The following ELAC2 variants were observed in gnomAD, a reference collection of about 807,000 sequenced individuals.
ELAC2 encodes the protein zinc phosphodiesterase ELAC protein 2.
In ELAC2, 92 loss-of-function variants were observed where a neutral mutation model predicts 105.2. That is an observed-to-expected ratio of 0.87 (90% CI 0.74 to 1.04). The LOEUF (loss-of-function observed/expected upper bound fraction) is 1.04, where lower values mean the gene tolerates loss of function less well. Among genes scored for constraint, ELAC2 ranks in the 50% least tolerant of loss-of-function variants. The pLI, the probability that ELAC2 is intolerant of heterozygous loss-of-function variation, is 0.00. For missense variants in ELAC2, 1,099 were observed against 1,071.7 expected (o/e 1.03, Z -0.36); for synonymous variants, 468 against 409.1 (o/e 1.14, Z -1.74).
At chr17:12,993,136 G>A (rs894210423) in intron 23 of ELAC2, 91 bp from the exon 24 acceptor site, 4 of 1,334,190 alleles carry the variant, frequency 3.0e-6, no homozygotes, top group Non-Finnish European at 4.2e-6. Flanking sequence ...TGCTCACACA[G>A]CAGCGCCAAC....
At chr17:12,996,352 G>A (rs2143567015) in intron 17 of ELAC2, 195 bp downstream of exon 17, 1 of 798,826 alleles carries the variant, frequency 1.3e-6, no homozygotes, top group Non-Finnish European at 2.1e-6. Context: ...GAAAGGAACT[G>A]AACAGGAAGA....
intron 17 of ELAC2, 195 bp from the exon 18 acceptor site, chr17:12,996,173 C>T (rs926204141): frequency 2.4e-5 from 17 of 716,808 alleles, no homozygotes; most frequent in African/African-American, 3.5e-5. Context: ...GAAAGCGACA[C>T]GACCCGTGCT....
rs759078534 is a variant in ELAC2 at position 12,993,792 on chromosome 17, G to T, written c.2148C>A (p.Asn716Lys). 2 of 1,614,188 alleles carry T rather than the reference G, an allele frequency of 1.2e-6. No individual in the cohort carries two copies. Among genetic ancestry groups the T allele is most frequent in the Non-Finnish European group, 1.7e-6 (2 of 1,180,038 alleles). ...AGTGGTTCAGCATAATGAACTCCGCGTTCATCCGCATCCCCACGCTGATGG... is the reference window on the plus strand; with the variant it reads ...AGTGGTTCAGCATAATGAACTCCGCTTTCATCCGCATCCCCACGCTGATGG... ...SQAISVGMRM[N>K]AEFIMLNHFS... is the part of the protein sequence containing the mutation. Residue 716 changes from asparagine to lysine, a missense_variant, in exon 23 of 24, where the codon AAC becomes AAA. Asn to Lys is a moderately conservative substitution (Grantham distance 94). Coordinates refer to ENST00000338034, the MANE Select transcript of ELAC2 (RefSeq NM_018127.7).
chr17:13,014,435 G>A lies in ELAC2; in HGVS notation c.490+4C>T, dbSNP rs780707959. 25 of 1,610,398 alleles carry A rather than the reference G, an allele frequency of 1.6e-5. No homozygotes were observed. In the Admixed American group the frequency reaches 1.7e-4, roughly 11 times the overall value. ...CAGAGGATGAGTCACAGACAAAGACGTACCCAGTTCTATTCCTTTCAATGG... is the reference window on the plus strand; with the variant it reads ...CAGAGGATGAGTCACAGACAAAGACATACCCAGTTCTATTCCTTTCAATGG... On this transcript the variant is annotated splice_donor_region_variant and intron_variant, in intron 5 of 23. Transcript: ENST00000338034.
chr17:12,997,647 T>C (rs1029611167), intron 16 of ELAC2, among the ~76,000 whole-genome samples: 1 of 152,182 alleles, frequency 6.6e-6, no homozygotes, highest in East Asian at 1.9e-4. Flanking sequence ...CCAGATTGTA[T>C]ATTTCTGATG....
chr17:12,999,106 C>T (rs2040625252), intron 15 of ELAC2, among the ~76,000 whole-genome samples: 1 of 152,222 alleles, frequency 6.6e-6, no homozygotes, highest in Non-Finnish European at 1.5e-5. Context: ...AAGGACTTCG[C>T]ACCAGTGTGG....
intron 8 of ELAC2, among the ~76,000 whole-genome samples, chr17:13,009,594 G>C (rs1233847189): frequency 1.6e-5 from 2 of 127,576 alleles, no homozygotes; most frequent in South Asian, 5.0e-4. Context: ...AAGTAAAACA[G>C]AGTTAAAAGA....
chr17:12,993,833 T>C lies in ELAC2; in HGVS notation c.2109-2A>G. 4 of 1,614,226 alleles carry C rather than the reference T, an allele frequency of 2.5e-6. No homozygotes were observed. The highest frequency in any genetic ancestry group is 2.5e-6 in the Non-Finnish European group (3 of 1,180,044). On this transcript the variant is annotated splice_acceptor_variant, in intron 22 of 23. Coordinates refer to ENST00000338034, the MANE Select transcript of ELAC2 (RefSeq NM_018127.7). LOFTEE classifies it high-confidence loss of function. ...ACGCTGATGGCTTGGGACGTTGTGC[T>C]GCAGGTGAAGGACAGAGCAGACTGA...
intron 21 of ELAC2, 61 bp downstream of exon 21, chr17:12,994,703 C>A: frequency 1.9e-6 from 3 of 1,612,684 alleles, no homozygotes; most frequent in Non-Finnish European, 2.5e-6. Context: ...CACCTGCATT[C>A]ACCTCCAGCT....
At chr17:12,998,940 G>A (rs1567749558) in intron 15 of ELAC2, among the ~76,000 whole-genome samples, 1 of 152,200 alleles carries the variant, frequency 6.6e-6, no homozygotes, top group Non-Finnish European at 1.5e-5. Context: ...CCGCAGAACC[G>A]TGAACTAAAT....
In ELAC2 at chr17:13,005,025, A is replaced by T; in HGVS notation, c.947T>A (p.Phe316Tyr). 3 of 1,614,158 alleles carry T rather than the reference A, an allele frequency of 1.9e-6. No individual in the cohort carries two copies. Among genetic ancestry groups the T allele is most frequent in the Non-Finnish European group, 2.5e-6 (3 of 1,179,992 alleles). Residue 316 changes from phenylalanine to tyrosine, a missense_variant, in exon 11 of 24, where the codon TTC (phenylalanine) becomes TAC (tyrosine). Transcript: ENST00000338034. ...FVVVECPDES[F>Y]IQPICENATF... is the part of the protein sequence containing the mutation. ...GGCATTCTCACAGATGGGTTGAATG[A>T]AGCTTTCATCTGGACATTCTACCAC...
Position 13,000,188 on chromosome 17 carries a change from C to A in ELAC2, c.1391G>T (p.Arg464Met), listed in dbSNP as rs2040706882. The A allele has an allele frequency of 6.2e-7, 1 of 1,613,908 alleles. No homozygotes were observed. Residue 464 changes from arginine to methionine, a missense_variant, in exon 15 of 24, where the codon AGG becomes ATG. Coordinates refer to ENST00000338034, the MANE Select transcript of ELAC2 (RefSeq NM_018127.7). ...GGCTGGGCCGTCCTGCGCACTCCTC[C>A]TGTACTCCTGCACGCTCTGCTGGAA... is the stretch of plus-strand genomic sequence containing the variant. Reference protein sequence around the residue: ...PNFQQSVQEYRRSAQDGPAPA... With the variant: ...PNFQQSVQEYMRSAQDGPAPA...
intron 4 of ELAC2, among the ~76,000 whole-genome samples, 186 bp downstream of exon 4, chr17:13,015,582 G>T (rs2041669066): frequency 6.6e-6 from 1 of 152,144 alleles, no homozygotes; most frequent in South Asian, 2.1e-4. Flanking sequence ...GCTCAGAAAG[G>T]TAAAGTAACT....
chr17:13,000,286 G>A lies in ELAC2; in HGVS notation c.1305-12C>T, dbSNP rs779858810. ...TAATAATGGCATCCCTGCAGGAAGAGAGAGAAGCATCTCAGGTGACGGACA... is the reference window on the plus strand; with the variant it reads ...TAATAATGGCATCCCTGCAGGAAGAAAGAGAAGCATCTCAGGTGACGGACA... On this transcript the variant is annotated splice_polypyrimidine_tract_variant and intron_variant, in intron 14 of 23. Coordinates refer to ENST00000338034, the MANE Select transcript of ELAC2 (RefSeq NM_018127.7). 7 of 1,611,686 alleles carry A rather than the reference G, an allele frequency of 4.3e-6. No individual in the cohort carries two copies. In the East Asian group the frequency reaches 6.7e-5, roughly 15 times the overall value.
rs1175478424 is a variant in ELAC2 at position 12,992,067 on chromosome 17, C to T, written c.*751G>A. 1.3e-5 allele frequency among the ~76,000 whole-genome samples: 2 copies of T among 152,218 alleles called. No homozygotes were observed. The highest frequency in any genetic ancestry group is 4.8e-5 in the African/African-American group (2 of 41,456). ...TTGTCTCCACTTTTACCCAGAACCA[C>T]CAGAAGACTTGCATTTCCCTGACCA... On this transcript the variant is annotated 3_prime_UTR_variant, in exon 24 of 24. Transcript: ENST00000338034.
chr17:12,993,607 A>G (rs1227621633), intron 23 of ELAC2, 80 bp downstream of exon 23: 7 of 1,600,932 alleles, frequency 4.4e-6, no homozygotes, highest in Non-Finnish European at 6.0e-6. Context: ...AGCAAACTCC[A>G]GCTGACCGTC....
chr17:12,994,749 T>C lies in ELAC2; in HGVS notation c.2029+15A>G. 1 of 1,613,824 alleles carries C rather than the reference T, an allele frequency of 6.2e-7. No individual in the cohort carries two copies. The highest frequency in any genetic ancestry group is 1.3e-5 in the African/African-American group (1 of 75,050). Reference sequence around the variant, plus strand: ...CAGAGCAACCTCAGGGTGGCTTGCTTCTTCCTCTACTCACCCATCCGGACC... The same window carrying C: ...CAGAGCAACCTCAGGGTGGCTTGCTCCTTCCTCTACTCACCCATCCGGACC... On this transcript the variant is annotated intron_variant, in intron 21 of 23. Coordinates refer to ENST00000338034, the MANE Select transcript of ELAC2 (RefSeq NM_018127.7).
intron 10 of ELAC2, 52 bp from the exon 11 acceptor site, chr17:13,005,153 C>T (rs1168188141): frequency 1.5e-6 from 2 of 1,301,618 alleles, no homozygotes; most frequent in Admixed American, 1.7e-5. Flanking sequence ...AGCCACCAAA[C>T]TGAACTGCCT....
At chr17:12,995,594 G>A in intron 19 of ELAC2, 109 bp downstream of exon 19, 2 of 1,104,754 alleles carry the variant, frequency 1.8e-6, no homozygotes, top group Non-Finnish European at 2.7e-6. Flanking sequence ...CCATGTCAAG[G>A]GCAAGGCTGC....
Sources: gnomAD v4.1 joint callset for allele counts (sites outside exome capture counted in the v4.1 genomes callset) on GRCh38, gnomAD v4.1.1 for gene constraint, MANE v1.5 for transcripts, NCBI Gene and HGNC (gene_info 2026-07-23, HGNC 2026-07-21) for gene names.